The following MLLT1 variants were observed in gnomAD, a reference collection of about 807,000 sequenced individuals.
The protein encoded by MLLT1 is MLLT1 super elongation complex subunit, also known as protein ENL.
A neutral mutation model predicts 55.1 loss-of-function variants in MLLT1; 11 were observed. That is an observed-to-expected ratio of 0.20 (90% confidence interval 0.13 to 0.33). The LOEUF (loss-of-function observed/expected upper bound fraction) is 0.33. Ranked by LOEUF, MLLT1 falls within the 10% of genes least tolerant of loss-of-function variation. The probability of loss-of-function intolerance (pLI) is 1.00; values close to 1 mark genes in which losing one functional copy is unlikely to be tolerated. For synonymous variants in MLLT1, 323 were observed against 320.1 expected (o/e 1.01, Z -0.10); for missense variants, 536 against 760.6 (o/e 0.70, Z 3.47).
At chr19:6,277,708 G>A (rs1240292218) in intron 1 of MLLT1, among the ~76,000 whole-genome samples, 1 of 152,154 alleles carries the variant, frequency 6.6e-6, no homozygotes, top group African/African-American at 2.4e-5. Context: ...ACACGCTTCG[G>A]CCTAGGACAT....
intron 3 of MLLT1, among the ~76,000 whole-genome samples, chr19:6,242,005 G>A (rs979782277): frequency 4.6e-5 from 7 of 152,334 alleles, no homozygotes; most frequent in African/African-American, 1.7e-4. Flanking sequence ...CTGGGAGCCT[G>A]GGAGCCAGGG....
chr19:6,274,448 G>A (rs1752405514), intron 1 of MLLT1, among the ~76,000 whole-genome samples: 1 of 152,186 alleles, frequency 6.6e-6, no homozygotes, highest in African/African-American at 2.4e-5. Flanking sequence ...TAATCAATTA[G>A]CTGTCTCTCT....
rs1470755129 is a variant in MLLT1 at position 6,279,810 on chromosome 19, G to C, written c.-26C>G. ...GGCTGGCGCCCCGCCCCGCCCCCGG[G>C]CCCCGCGTCGCTCGCCGCCGCCGCC... On this transcript the variant is annotated 5_prime_UTR_variant, in exon 1 of 12. Transcript: ENST00000252674. 6.6e-6 allele frequency: 1 copy of C among 152,658 alleles called. No homozygotes were observed. The highest frequency in any genetic ancestry group is 1.8e-4 in the South Asian group (1 of 5,708). The allele number at this position is 152,658 out of a possible 1,614,324, so 9.5% of individuals were successfully genotyped here.
intron 6 of MLLT1, 122 bp downstream of exon 6, chr19:6,221,999 A>G (rs2090902670): frequency 1.4e-6 from 1 of 725,926 alleles, no homozygotes. Context: ...AGCCAGTGGG[A>G]GGAGCAGCTG....
chr19:6,220,494 C>T (rs2090887619), intron 6 of MLLT1, among the ~76,000 whole-genome samples: 1 of 152,250 alleles, frequency 6.6e-6, no homozygotes, highest in East Asian at 1.9e-4. Context: ...CTCTAAGCAG[C>T]GGCGTCCGAG....
intron 8 of MLLT1, among the ~76,000 whole-genome samples, chr19:6,216,174 T>C (rs985637672): frequency 6.6e-6 from 1 of 152,050 alleles, no homozygotes; most frequent in African/African-American, 2.4e-5. Context: ...AGGCCCCAGA[T>C]GGGGGCAGCC....
rs1004567364 is a variant in MLLT1 at position 6,223,101 on chromosome 19, T to A, written c.547-417A>T. ...CGGGCACTGGACGCAGCCCTGCCCC[T>A]CATCTCAGCCTCCTTCGCCCAGCAC... On this transcript the variant is annotated intron_variant, in intron 5 of 11. Coordinates refer to ENST00000252674, the MANE Select transcript of MLLT1 (RefSeq NM_005934.4). Among the ~76,000 whole-genome samples, 10 of 151,732 alleles carry A rather than the reference T, an allele frequency of 6.6e-5. No homozygotes were observed. The South Asian group carries it at 1.7e-3, about 25-fold the overall frequency.
intron 3 of MLLT1, among the ~76,000 whole-genome samples, chr19:6,258,320 G>C (rs553845242): frequency 1.9e-4 from 28 of 151,160 alleles, no homozygotes; most frequent in Middle Eastern, 3.4e-3. Flanking sequence ...CCATACTTTT[G>C]AATTTACCTC....
chr19:6,214,562 G>A (rs979009097), intron 8 of MLLT1, among the ~76,000 whole-genome samples: 3 of 152,142 alleles, frequency 2.0e-5, no homozygotes, highest in South Asian at 2.1e-4. Context: ...ATCTGGTGGT[G>A]GGGAGAGGTC....
chr19:6,215,773 G>A (rs550891351), intron 8 of MLLT1, among the ~76,000 whole-genome samples: 83 of 152,266 alleles, frequency 5.5e-4, no homozygotes, highest in African/African-American at 1.8e-3. Flanking sequence ...CTGGACCCCC[G>A]CCCGCTGAAG....
chr19:6,266,514 T>A (rs559637293), intron 2 of MLLT1, among the ~76,000 whole-genome samples: 1 of 152,146 alleles, frequency 6.6e-6, no homozygotes, highest in African/African-American at 2.4e-5. Context: ...TGGAGTGCAG[T>A]GGTACGACCT....
chr19:6,242,767 T>C lies in MLLT1; in HGVS notation c.277-12054A>G, dbSNP rs12151057. Among the ~76,000 whole-genome samples the C allele has an allele frequency of 9.5e-3, 1,452 of 152,198 alleles. 15 individuals carry two copies. Among genetic ancestry groups the C allele is most frequent in the Non-Finnish European group, 0.015 (1,035 of 67,982 alleles). On this transcript the variant is annotated intron_variant, in intron 3 of 11. Coordinates refer to ENST00000252674, the MANE Select transcript of MLLT1 (RefSeq NM_005934.4). ...CTGGTGCTGTTGGTACCGGGTTCAATAGAAACAAGTGCCCCGGCCAGCATC... is the reference window on the plus strand; with the variant it reads ...CTGGTGCTGTTGGTACCGGGTTCAACAGAAACAAGTGCCCCGGCCAGCATC...
At chr19:6,213,688 T>G in intron 10 of MLLT1, 38 bp downstream of exon 10, 2 of 370,804 alleles carry the variant, frequency 5.4e-6, no homozygotes, top group Non-Finnish European at 9.1e-6. Flanking sequence ...CACCCACCCC[T>G]CCGTAGCCTC....
rs1003322527 is a variant in MLLT1 at position 6,212,438 on chromosome 19, C to A, written c.*604G>T. On this transcript the variant is annotated 3_prime_UTR_variant, in exon 12 of 12. Transcript: ENST00000252674. ...CCCACCCACCCCACGTGCACTGCTG[C>A]CACAGAAACGCACATGGACACTGCT... The A allele has an allele frequency of 2.8e-6, 3 of 1,066,418 alleles. No individual in the cohort carries two copies. The highest frequency in any genetic ancestry group is 3.4e-6 in the Non-Finnish European group (3 of 880,006). The allele number at this position is 1,066,418 out of a possible 1,614,324, so 66.1% of individuals were successfully genotyped here.
intron 3 of MLLT1, among the ~76,000 whole-genome samples, chr19:6,244,509 G>A (rs1402828180): frequency 6.6e-6 from 1 of 152,090 alleles, no homozygotes; most frequent in Non-Finnish European, 1.5e-5. Flanking sequence ...CAGAGGCATG[G>A]GCCTCAAGTG....
chr19:6,213,949 G>T lies in MLLT1; in HGVS notation c.1397C>A (p.Pro466His). The change falls in exon 9 of 12, where the codon CCC (proline) becomes CAC (histidine). Residue 466 changes from proline (P) to histidine (H), a missense_variant. Physicochemically the swap from Pro to His is moderately conservative, Grantham distance 77. Transcript: ENST00000252674. ...EPPPPQKPPP[P>H]NSKVSGRRSP... is the part of the protein sequence containing the mutation. The stretch of plus-strand genomic sequence containing the variant: ...AGGCCCCAGGCTCACCTTGCTGTTG[G>T]GCGGGGGTGGCTTCTGGGGGGGTGG... The T allele has an allele frequency of 6.9e-7, 1 of 1,451,448 alleles. No individual in the cohort carries two copies. The highest frequency in any genetic ancestry group is 2.4e-5 in the East Asian group (1 of 41,044). 89.9% of individuals were successfully genotyped at this position (1,451,448 alleles called of 1,614,324 possible).
chr19:6,271,269 G>A lies in MLLT1; in HGVS notation c.13-510C>T, dbSNP rs2233183. The stretch of plus-strand genomic sequence containing the variant: ...AAAAGTCATCTTGCTGATGGCTGTC[G>A]GTGTCTCTGCCACCTAAGCTTGTTG... On this transcript the variant is annotated intron_variant, in intron 1 of 11. Coordinates refer to ENST00000252674, the MANE Select transcript of MLLT1 (RefSeq NM_005934.4). Among the ~76,000 whole-genome samples the A allele has an allele frequency of 1.8e-3, 275 of 152,252 alleles. 2 individuals carry two copies. Among genetic ancestry groups the A allele is most frequent in the Admixed American group, 4.1e-3 (62 of 15,292 alleles).
intron 3 of MLLT1, among the ~76,000 whole-genome samples, chr19:6,244,345 C>A (rs542054563): frequency 2.0e-5 from 3 of 151,874 alleles, no homozygotes; most frequent in African/African-American, 7.3e-5. Flanking sequence ...AATTCCTCCT[C>A]CTCACTGTAA....
rs2090875937 is a variant in MLLT1, at chr19:6,219,619, T to C, written c.1111-1578A>G. ...CACCGAGGCCAAGGCTAGTCCTCCC[T>C]TGACCTCCGGATGGAATCCCTGGGG... is the stretch of plus-strand genomic sequence containing the variant. On this transcript the variant is annotated intron_variant, in intron 6 of 11. Coordinates refer to ENST00000252674, the MANE Select transcript of MLLT1 (RefSeq NM_005934.4). This position sits in a 1 kb window ranked among gnomAD's most constrained non-coding sequence, Gnocchi z 4.5. 6.6e-6 allele frequency among the ~76,000 whole-genome samples: 1 copy of C among 152,196 alleles called. No homozygotes were observed. The highest frequency in any genetic ancestry group is 1.5e-5 in the Non-Finnish European group (1 of 68,030).
Sources: allele counts gnomAD v4.1 joint callset (sites outside exome capture counted in the v4.1 genomes callset), GRCh38; gene constraint gnomAD v4.1.1; non-coding constraint Gnocchi (gnomAD v3.1); transcripts MANE v1.5; gene names NCBI Gene and HGNC (gene_info 2026-07-23, HGNC 2026-07-21).